NAA25: variants seen among roughly 807,000 people sequenced by gnomAD.
NAA25 encodes N-terminal acetyltransferase B complex subunit NAA25.
Under a neutral mutation model 132.5 loss-of-function variants are expected in NAA25, and 30 were observed. That is an observed-to-expected ratio of 0.23 (90% confidence interval 0.17 to 0.31). NAA25 has a LOEUF of 0.31. Ranked by LOEUF, NAA25 falls within the 10% of genes least tolerant of loss-of-function variation. NAA25 has a pLI of 1.00. For missense variants in NAA25, 771 were observed against 1,150.4 expected (o/e 0.67, Z 4.77); for synonymous variants, 359 against 401.9 (o/e 0.89, Z 1.28).
chr12:112,107,136 T>C (rs2136953950), intron 1 of NAA25, among the ~76,000 whole-genome samples: 1 of 152,112 alleles, frequency 6.6e-6, no homozygotes, highest in Admixed American at 6.6e-5. Context: ...GGCGTGCAAC[T>C]GTAATCTCAG....
At chr12:112,029,936 G>A (rs973222319) in intron 23 of NAA25, among the ~76,000 whole-genome samples, 9 of 152,188 alleles carry the variant, frequency 5.9e-5, no homozygotes, top group African/African-American at 2.2e-4. Flanking sequence ...AACTGGGCCA[G>A]GCACGGTGGC....
intron 7 of NAA25, among the ~76,000 whole-genome samples, chr12:112,077,908 T>C (rs1452015097): frequency 6.6e-6 from 1 of 151,994 alleles, no homozygotes; most frequent in African/African-American, 2.4e-5. Flanking sequence ...GATGAATCTT[T>C]ACAAGAATAT....
intron 1 of NAA25, among the ~76,000 whole-genome samples, chr12:112,095,081 A>G (rs1410404802): frequency 2.6e-5 from 4 of 152,120 alleles, no homozygotes; most frequent in Non-Finnish European, 5.9e-5. Flanking sequence ...GCGGGAGGAT[A>G]ACTTGAGGCC....
intron 11 of NAA25, among the ~76,000 whole-genome samples, chr12:112,062,758 A>C (rs1018860489): frequency 6.6e-6 from 1 of 152,042 alleles, no homozygotes; most frequent in Admixed American, 6.6e-5. Context: ...CACACAGATC[A>C]AGAATATGTG....
At chr12:112,106,955 CAAAAAAAA>C (rs11286456) in intron 1 of NAA25, among the ~76,000 whole-genome samples, 1 of 25,828 alleles carries the variant, frequency 3.9e-5, no homozygotes, top group Non-Finnish European at 8.4e-5. Context: ...AGACTGTCTC[CAAAAAAAA>C]AAAAAAAAAA....
At chr12:112,048,876 C>T (rs1238121493) in intron 15 of NAA25, among the ~76,000 whole-genome samples, 1 of 151,816 alleles carries the variant, frequency 6.6e-6, no homozygotes, top group Admixed American at 6.6e-5. Flanking sequence ...TGCCCCCCGC[C>T]CCCCCAAATA....
chr12:112,069,032 C>T lies in NAA25; in HGVS notation c.1037-40G>A, dbSNP rs141038030. On this transcript the variant is annotated intron_variant, in intron 10 of 23. Transcript: ENST00000261745. Reference sequence around the variant, plus strand: ...ACAAAATCACTTTATTACTCATGAACAGAAGCAATTTCTATTTAAGTGAGA... The same window carrying T: ...ACAAAATCACTTTATTACTCATGAATAGAAGCAATTTCTATTTAAGTGAGA... 9.7e-5 allele frequency: 108 copies of T among 1,115,796 alleles called. No homozygotes were observed. The African/African-American group carries it at 1.5e-3, about 15-fold the overall frequency. 69.1% of individuals were successfully genotyped at this position (1,115,796 alleles called of 1,614,324 possible). A position where few individuals can be genotyped will look rare whatever the true frequency, so the allele number is the denominator to read the frequency against.
At chr12:112,108,258 G>A (rs1566040489) in intron 1 of NAA25, among the ~76,000 whole-genome samples, 1 of 152,000 alleles carries the variant, frequency 6.6e-6, no homozygotes, top group Non-Finnish European at 1.5e-5. Context: ...CCTATGCACC[G>A]AAGCCCACCT....
intron 22 of NAA25, chr12:112,034,462 C>T (rs1002849171): frequency 3.9e-5 from 6 of 152,166 alleles, no homozygotes; most frequent in Non-Finnish European, 8.8e-5. Flanking sequence ...CCCATCTCTA[C>T]TAAAAATACA....
chr12:112,047,665 C>G lies in NAA25; in HGVS notation c.2006G>C (p.Arg669Thr). 1.2e-6 allele frequency: 2 copies of G among 1,607,114 alleles called. No individual in the cohort carries two copies. The highest frequency in any genetic ancestry group is 1.7e-6 in the Non-Finnish European group (2 of 1,178,384). Residue 669 changes from arginine (R) to threonine (T), a missense_variant and splice_region_variant, in exon 17 of 24, where the codon AGG becomes ACG. Arg to Thr is a moderately conservative substitution (Grantham distance 71). Coordinates refer to ENST00000261745, the MANE Select transcript of NAA25 (RefSeq NM_024953.4). ...NVFFSWDPKD[R>T]DVSEEHKKLS... ...TTGCTTGGGGTTAAATTCCAGTTAC[C>G]TGTCTTTTGGATCCCAGCTGAAAAA...
intron 1 of NAA25, among the ~76,000 whole-genome samples, chr12:112,099,287 CT>C (rs375795490): frequency 2.7e-3 from 399 of 147,168 alleles, no homozygotes; most frequent in Non-Finnish European, 3.9e-3. Context: ...CGCACTCGGC[CT>C]TTTTTTTTTT....
chr12:112,053,506 T>G, intron 15 of NAA25, 52 bp downstream of exon 15: 1 of 1,286,608 alleles, frequency 7.8e-7, no homozygotes, highest in African/African-American at 1.5e-5. Context: ...TGCTCCTCAA[T>G]AGTGTGCAGT....
intron 11 of NAA25, among the ~76,000 whole-genome samples, chr12:112,064,946 AT>A (rs1442458961): frequency 6.6e-6 from 1 of 152,176 alleles, no homozygotes; most frequent in African/African-American, 2.4e-5. Flanking sequence ...AGGCAGGAGA[AT>A]TGCTTGAACC....
intron 1 of NAA25, among the ~76,000 whole-genome samples, chr12:112,098,965 A>C (rs2079253933): frequency 6.6e-6 from 1 of 151,554 alleles, no homozygotes; most frequent in South Asian, 2.1e-4. Context: ...GTGCTAGCCT[A>C]CTATTTCTCT....
chr12:112,095,064 G>A (rs1449840280), intron 1 of NAA25, among the ~76,000 whole-genome samples: 1 of 152,168 alleles, frequency 6.6e-6, no homozygotes, highest in South Asian at 2.1e-4. Flanking sequence ...CACTTAGGAA[G>A]GCTGAAGCGG....
At chr12:112,045,727 G>A (rs1224712624) in intron 17 of NAA25, among the ~76,000 whole-genome samples, 1 of 152,060 alleles carries the variant, frequency 6.6e-6, no homozygotes, top group Non-Finnish European at 1.5e-5. Flanking sequence ...CCCAGGAGGT[G>A]GGGGTTGCAG....
chr12:112,098,119 CAAAAAAAAAA>C (rs60232542), intron 1 of NAA25, among the ~76,000 whole-genome samples: 1 of 54,164 alleles, frequency 1.8e-5, no homozygotes, highest in African/African-American at 6.0e-5. Context: ...GACTCCATCT[CAAAAAAAAAA>C]AAAAAAAAAA....
intron 1 of NAA25, among the ~76,000 whole-genome samples, chr12:112,105,943 T>A (rs115115707): frequency 6.4e-4 from 98 of 152,362 alleles, no homozygotes; most frequent in African/African-American, 2.1e-3. Context: ...GGTGGGCAAG[T>A]ACCACCATAG....
intron 15 of NAA25, among the ~76,000 whole-genome samples, chr12:112,051,278 A>C (rs2078461628): frequency 6.6e-6 from 1 of 151,980 alleles, no homozygotes; most frequent in African/African-American, 2.4e-5. Context: ...TAATGGTACA[A>C]TCAGCTCACT....
Sources: gnomAD v4.1 joint callset for allele counts (sites outside exome capture counted in the v4.1 genomes callset) on GRCh38, gnomAD v4.1.1 for gene constraint, MANE v1.5 for transcripts, NCBI Gene and HGNC (gene_info 2026-07-23, HGNC 2026-07-21) for gene names.